The following USP48 variants were observed in gnomAD, a reference collection of about 807,000 sequenced individuals.
USP48 encodes ubiquitin specific peptidase 48, also known as ubiquitin carboxyl-terminal hydrolase 48.
A neutral mutation model predicts 150.7 loss-of-function variants in USP48; 43 were observed. The ratio of observed to expected loss-of-function variants is 0.29; its 90% CI spans 0.22 to 0.37. The LOEUF is 0.37. USP48 is among the 10% of genes least tolerant of loss of function. USP48 has a pLI of 1.00. For synonymous variants in USP48, 396 were observed against 425.9 expected, an observed-to-expected ratio of 0.93 and a Z score of 0.86; for missense variants, 813 against 1,249.6, an observed-to-expected ratio of 0.65 and a Z score of 5.27.
intron 1 of USP48, among the ~76,000 whole-genome samples, chr1:21,764,240 C>T (rs11576948): frequency 0.014 from 2,190 of 152,104 alleles, 52 homozygotes; most frequent in African/African-American, 0.05. Context: ...GAATTTGACA[C>T]CAGCCAGGCC....
intron 15 of USP48, among the ~76,000 whole-genome samples, chr1:21,713,093 A>C (rs1481786654): frequency 2.7e-4 from 34 of 123,974 alleles, no homozygotes; most frequent in African/African-American, 4.4e-4. Flanking sequence ...TCTCTTTCTC[A>C]CTCTCTCTTT....
chr1:21,747,275 A>C, intron 7 of USP48, 126 bp from the exon 8 acceptor site: 1 of 582,834 alleles, frequency 1.7e-6, no homozygotes, highest in Non-Finnish European at 2.9e-6. Context: ...CCTCCAAAAC[A>C]TGTACAATTA....
intron 15 of USP48, among the ~76,000 whole-genome samples, chr1:21,708,942 T>C (rs959576184): frequency 1.3e-5 from 2 of 149,414 alleles, no homozygotes; most frequent in Non-Finnish European, 3.0e-5. Flanking sequence ...CAGAGTCTCA[T>C]TCTGTCCCCT....
chr1:21,708,132 T>C (rs35717153), intron 15 of USP48, among the ~76,000 whole-genome samples: 7,731 of 151,698 alleles, frequency 0.051, 244 homozygotes, highest in Middle Eastern at 0.059. Flanking sequence ...CATTGCACTC[T>C]GGCCTGGGCA....
chr1:21,706,989 T>C, intron 15 of USP48, 121 bp from the exon 16 acceptor site: 1 of 1,148,000 alleles, frequency 8.7e-7, no homozygotes, highest in South Asian at 1.7e-5. Context: ...TTGCTAAAGT[T>C]TGGTATTTCT....
intron 9 of USP48, among the ~76,000 whole-genome samples, chr1:21,730,447 A>T (rs973081626): frequency 2.6e-5 from 4 of 151,904 alleles, no homozygotes; most frequent in Non-Finnish European, 5.9e-5. Flanking sequence ...AAAAAGAAAA[A>T]GTTAAATTAA....
At chr1:21,718,822 AAG>A (rs2097711862) in intron 14 of USP48, among the ~76,000 whole-genome samples, 1 of 151,984 alleles carries the variant, frequency 6.6e-6, no homozygotes, top group South Asian at 2.1e-4. Context: ...TCCCAAATTA[AAG>A]AGGTTTTAAA....
intron 11 of USP48, 126 bp downstream of exon 11, chr1:21,728,435 TTTTAGAGTG>T: frequency 6.8e-7 from 1 of 1,470,358 alleles, no homozygotes; most frequent in South Asian, 1.5e-5. Context: ...TACAAAGTAC[TTTTAGAGTG>T]TTTAAGCTGG....
At chr1:21,781,939 CTT>C (rs1449075853) in intron 1 of USP48, 1 of 152,186 alleles carries the variant, frequency 6.6e-6, no homozygotes, top group Non-Finnish European at 1.5e-5. Context: ...AACTCCCTAA[CTT>C]ATTTCACTTC....
At chr1:21,708,884 C>CAAAAAA (rs1181628764) in intron 15 of USP48, among the ~76,000 whole-genome samples, 5 of 16,552 alleles carry the variant, frequency 3.0e-4, no homozygotes, top group African/African-American at 4.8e-4. Context: ...GACTCCGTCT[C>CAAAAAA]AAAAAAAAAA....
intron 25 of USP48, among the ~76,000 whole-genome samples, chr1:21,683,015 C>T (rs7516030): frequency 0.042 from 6,363 of 152,214 alleles, 204 homozygotes; most frequent in Middle Eastern, 0.058. Flanking sequence ...AATCCAAACA[C>T]TTCGGGAGGC....
intron 23 of USP48, among the ~76,000 whole-genome samples, chr1:21,691,823 C>A (rs538680247): frequency 6.6e-6 from 1 of 152,270 alleles, no homozygotes; most frequent in Admixed American, 6.5e-5. Flanking sequence ...TAATTCTTAA[C>A]TCGGTAGACA....
At chr1:21,708,927 G>C (rs1395400498) in intron 15 of USP48, among the ~76,000 whole-genome samples, 3 of 136,872 alleles carry the variant, frequency 2.2e-5, no homozygotes, top group South Asian at 2.4e-4. Context: ...GAAAAGAAAA[G>C]AAAACAGAGT....
chr1:21,713,201 C>T (rs2097695151), intron 15 of USP48, among the ~76,000 whole-genome samples: 1 of 151,834 alleles, frequency 6.6e-6, no homozygotes, highest in Non-Finnish European at 1.5e-5. Context: ...ACCTCCTGGG[C>T]TCAGGTAACC....
rs975908253 is a variant in USP48 at position 21,701,375 on chromosome 1, A to AG, written c.2727+122_2727+123insC. ...TGCGAGACTCCATCTCAAAAAAAAA[A>AG]AAAAAAGAAAAAAAAAGAACCAATA... On this transcript the variant is annotated intron_variant, in intron 22 of 26. Transcript: ENST00000308271. 3.0e-5 allele frequency: 21 copies of AG among 708,466 alleles called. No homozygotes were observed. In the South Asian group the frequency reaches 3.3e-4, roughly 11 times the overall value. 43.9% of individuals were successfully genotyped at this position (708,466 alleles called of 1,614,324 possible). A position where few individuals can be genotyped will look rare whatever the true frequency, so the allele number is the denominator to read the frequency against.
At chr1:21,706,054 C>A in intron 18 of USP48, 72 bp downstream of exon 18, 1 of 1,493,422 alleles carries the variant, frequency 6.7e-7, no homozygotes, top group Non-Finnish European at 9.3e-7. Flanking sequence ...ACAGAATCCA[C>A]GATATCTTAA....
Position 21,699,043 on chromosome 1 carries a change from G to A in USP48, c.2727+2455C>T, listed in dbSNP as rs532250553. Among the ~76,000 whole-genome samples, 17 of 152,102 alleles carry A rather than the reference G, an allele frequency of 1.1e-4. No individual in the cohort carries two copies. In the South Asian group the frequency reaches 3.5e-3, roughly 32 times the overall value. On this transcript the variant is annotated intron_variant, in intron 22 of 26. Transcript: ENST00000308271. ...TGTACACCCATACACCCAAATGCAT[G>A]TACATGCACAGAGTCTTGCTCTGTC...
chr1:21,729,476 C>T (rs2097750745), intron 10 of USP48, among the ~76,000 whole-genome samples: 1 of 152,122 alleles, frequency 6.6e-6, no homozygotes, highest in Admixed American at 6.6e-5. Context: ...CCAAATTATA[C>T]TTTAAATACA....
intron 1 of USP48, among the ~76,000 whole-genome samples, chr1:21,763,156 G>A (rs1337904094): frequency 6.6e-6 from 1 of 152,152 alleles, no homozygotes; most frequent in African/African-American, 2.4e-5. Context: ...ACTATGAGAA[G>A]CTGGGAGCAA....
Sources: allele counts gnomAD v4.1 joint callset (sites outside exome capture counted in the v4.1 genomes callset), GRCh38; gene constraint gnomAD v4.1.1; transcripts MANE v1.5; gene names NCBI Gene and HGNC (gene_info 2026-07-23, HGNC 2026-07-21).